DMD: variants seen among roughly 807,000 people sequenced by gnomAD.
DMD encodes dystrophin.
A neutral mutation model predicts 330.1 loss-of-function variants in DMD; 63 were observed. The ratio of observed to expected loss-of-function variants is 0.19; its 90% CI spans 0.16 to 0.24. DMD has a LOEUF of 0.24. Ranked by LOEUF, DMD falls within the 10% of genes least tolerant of loss-of-function variation. The probability of loss-of-function intolerance (pLI) is 1.00; values close to 1 mark genes in which losing one functional copy is unlikely to be tolerated. For synonymous variants in DMD, 1,223 were observed against 959.8 expected (o/e 1.27, Z -5.07); for missense variants, 3,344 against 2,684.1 (o/e 1.25, Z -5.43).
chrX:32,650,108 T>G (rs1307837376), intron 9 of DMD, among the ~76,000 whole-genome samples: 1 of 111,361 alleles, frequency 9.0e-6, no homozygotes, highest in Non-Finnish European at 1.9e-5. Context: ...TACATGTAGG[T>G]AGTGAAACCA....
intron 54 of DMD, among the ~76,000 whole-genome samples, chrX:31,636,325 G>A (rs1006376820): frequency 2.7e-4 from 30 of 111,544 alleles, no homozygotes; most frequent in African/African-American, 9.1e-4. Flanking sequence ...ACCTGCACAC[G>A]TGCTCCTGAA....
intron 45 of DMD, among the ~76,000 whole-genome samples, chrX:31,935,839 AT>A (rs1302845614): frequency 9.0e-6 from 1 of 111,598 alleles, no homozygotes. Flanking sequence ...AACCAAAAAA[AT>A]AATAATAACC....
intron 2 of DMD, among the ~76,000 whole-genome samples, chrX:32,951,082 C>G (rs1168060035): frequency 9.0e-6 from 1 of 111,460 alleles, no homozygotes; most frequent in Non-Finnish European, 1.9e-5. Flanking sequence ...CAGGGAGGCT[C>G]ATTCCTTCTG....
chrX:32,217,326 T>C (rs2097116026), intron 43 of DMD, among the ~76,000 whole-genome samples: 1 of 111,762 alleles, frequency 8.9e-6, no homozygotes, highest in South Asian at 3.7e-4. Flanking sequence ...AATATATTTA[T>C]TGATTAAAAG....
intron 1 of DMD, among the ~76,000 whole-genome samples, chrX:33,200,646 C>G (rs1369866012): frequency 9.0e-6 from 1 of 110,890 alleles, no homozygotes; most frequent in Non-Finnish European, 1.9e-5. Flanking sequence ...AATCACACAT[C>G]TTAGTGTCAT....
At chrX:32,690,440 A>C (rs769212749) in intron 9 of DMD, among the ~76,000 whole-genome samples, 2 of 111,796 alleles carry the variant, frequency 1.8e-5, no homozygotes, top group South Asian at 7.4e-4. Context: ...CTACAGAACT[A>C]ATATAATCTT....
chrX:31,121,491 C>G lies in DMD; in HGVS notation c.*428G>C, dbSNP rs1460873615. ...TGTTTTTAGGGGTTTTTATAAACAA[C>G]TTTTTTTTATAAAGCACACTTTAGT... On this transcript the variant is annotated 3_prime_UTR_variant, in exon 79 of 79. Coordinates refer to ENST00000357033, the MANE Select transcript of DMD (RefSeq NM_004006.3). The G allele has an allele frequency of 3.0e-5, 5 of 169,253 alleles. No individual in the cohort carries two copies. The highest frequency in any genetic ancestry group is 5.5e-5 in the Non-Finnish European group (5 of 91,236). 13.9% of individuals were successfully genotyped at this position (169,253 alleles called of 1,213,427 possible).
At chrX:32,733,034 C>T (rs1438518595) in intron 7 of DMD, among the ~76,000 whole-genome samples, 2 of 109,717 alleles carry the variant, frequency 1.8e-5, no homozygotes, top group Non-Finnish European at 3.8e-5. Context: ...TGTGCAGAGA[C>T]ACACATAGGC....
At chrX:32,766,774 G>A (rs552753097) in intron 7 of DMD, among the ~76,000 whole-genome samples, 2 of 111,497 alleles carry the variant, frequency 1.8e-5, no homozygotes, top group Non-Finnish European at 3.8e-5. Context: ...CACTTCAAAT[G>A]TTCTCTCCAC....
At chrX:32,775,215 T>C (rs1488330215) in intron 7 of DMD, among the ~76,000 whole-genome samples, 1 of 112,400 alleles carries the variant, frequency 8.9e-6, no homozygotes, top group Non-Finnish European at 1.9e-5. Flanking sequence ...CCCCCATGGC[T>C]TTCACAGTGC....
intron 45 of DMD, among the ~76,000 whole-genome samples, chrX:31,943,477 A>T (rs891343156): frequency 8.9e-6 from 1 of 112,023 alleles, no homozygotes; most frequent in Non-Finnish European, 1.9e-5. Context: ...GAACATTTCC[A>T]ACTATGAGAA....
At chrX:31,130,228 C>T (rs923291328) in intron 77 of DMD, among the ~76,000 whole-genome samples, 1 of 112,035 alleles carries the variant, frequency 8.9e-6, no homozygotes, top group African/African-American at 3.2e-5. Context: ...GCTAAATGAT[C>T]AGAGACTTAT....
chrX:31,486,889 C>G (rs765822684), intron 57 of DMD, among the ~76,000 whole-genome samples: 10 of 111,924 alleles, frequency 8.9e-5, no homozygotes, highest in Non-Finnish European at 1.7e-4. Context: ...ATTTAAAGAG[C>G]CACCATATTT....
chrX:32,383,158 T>C (rs2097936429), intron 33 of DMD, among the ~76,000 whole-genome samples: 1 of 110,879 alleles, frequency 9.0e-6, no homozygotes, highest in South Asian at 3.7e-4. Flanking sequence ...CTCATCACCA[T>C]GTAAGAATAC....
rs142625036 is a variant in DMD at position 33,301,271 on chromosome X, C to T, written c.7+37988G>A. 4.3e-3 allele frequency among the ~76,000 whole-genome samples: 480 copies of T among 111,249 alleles called. 2 individuals carry two copies. The highest frequency in any genetic ancestry group is 0.014 in the African/African-American group (437 of 30,666). On this transcript the variant is annotated intron_variant, in intron 1 of 17. Transcript: ENST00000288447. ...GAACTGTACGTACACATTTTTCCAT[C>T]TCAATTTTGCAAGCACCTCTTCAAA...
At chrX:33,309,198 G>A (rs1402914641) in intron 1 of DMD, among the ~76,000 whole-genome samples, 1 of 111,412 alleles carries the variant, frequency 9.0e-6, no homozygotes, top group Non-Finnish European at 1.9e-5. Context: ...ATAATTCACG[G>A]TGTTAAATAA....
At chrX:32,796,653 C>G (rs1404603228) in intron 7 of DMD, among the ~76,000 whole-genome samples, 2 of 111,458 alleles carry the variant, frequency 1.8e-5, no homozygotes, top group Non-Finnish European at 3.8e-5. Context: ...AATGAATACC[C>G]CAAATACACT....
At position 31,259,849 on chromosome X, in the gene DMD, T is replaced by C. The variant is rs142501042; in HGVS notation, c.9286+1106A>G. Among the ~76,000 whole-genome samples, 333 of 110,855 alleles carry C rather than the reference T, an allele frequency of 3.0e-3. 1 individual carries two copies. The highest frequency in any genetic ancestry group is 9.9e-3 in the African/African-American group (302 of 30,453). Reference sequence around the variant, plus strand: ...CCCCCTGACACACACACACCCCACTTACGTATACCTACACAGAATTTATGT... The same window carrying C: ...CCCCCTGACACACACACACCCCACTCACGTATACCTACACAGAATTTATGT... On this transcript the variant is annotated intron_variant, in intron 63 of 78. Transcript: ENST00000357033.
intron 44 of DMD, among the ~76,000 whole-genome samples, chrX:32,170,022 G>A (rs1031483658): frequency 1.8e-5 from 2 of 111,484 alleles, no homozygotes; most frequent in African/African-American, 6.5e-5. Context: ...TTTTCTAAAT[G>A]ATTTTCCACA....
Sources: gnomAD v4.1 joint callset for allele counts (sites outside exome capture counted in the v4.1 genomes callset) on GRCh38, gnomAD v4.1.1 for gene constraint, MANE v1.5 for transcripts, NCBI Gene and HGNC (gene_info 2026-07-23, HGNC 2026-07-21) for gene names.